ME3: variants seen among roughly 807,000 people sequenced by gnomAD.
ME3 encodes NADP-dependent malic enzyme, mitochondrial.
ME3 carries 48 observed loss-of-function variants against 68.9 expected under a neutral mutation model. That is an observed-to-expected ratio of 0.70 (90% CI 0.55 to 0.89). The LOEUF (loss-of-function observed/expected upper bound fraction) is 0.89, where lower values mean the gene tolerates loss of function less well. ME3 is among the 40% of genes least tolerant of loss of function. The pLI, the probability that ME3 is intolerant of heterozygous loss-of-function variation, is 0.00. For missense variants in ME3, 675 were observed against 797.4 expected, an observed-to-expected ratio of 0.85 and a Z score of 1.85; for synonymous variants, 320 against 318.8, an observed-to-expected ratio of 1.00 and a Z score of -0.04.
rs142033353 is a variant in ME3, at chr11:86,650,955, C to G, written c.183+20807G>C. On this transcript the variant is annotated intron_variant, in intron 2 of 14. Coordinates refer to ENST00000543262, the Ensembl canonical transcript of ME3. ...GCACACCAGGAGATTGTATCCCTCA[C>G]CTGGTTCGGAGGGTCCTACGCCCAC... Among the ~76,000 whole-genome samples, 543 of 152,356 alleles carry G rather than the reference C, an allele frequency of 3.6e-3. 2 individuals are homozygous for G. Among genetic ancestry groups the G allele is most frequent in the African/African-American group, 0.012 (516 of 41,590 alleles).
chr11:86,607,217 C>T (rs1366365891), intron 2 of ME3, among the ~76,000 whole-genome samples: 1 of 152,120 alleles, frequency 6.6e-6, no homozygotes, highest in Non-Finnish European at 1.5e-5. Context: ...AGTGATCTTT[C>T]TAACTTGCAA....
chr11:86,653,507 A>T (rs1437139108), intron 2 of ME3, among the ~76,000 whole-genome samples: 1 of 152,242 alleles, frequency 6.6e-6, no homozygotes, highest in African/African-American at 2.4e-5. Flanking sequence ...TGGGTACATA[A>T]CAAAATGAAG....
chr11:86,469,296 C>T (rs1222676087), intron 7 of ME3, among the ~76,000 whole-genome samples: 1 of 152,122 alleles, frequency 6.6e-6, no homozygotes, highest in Non-Finnish European at 1.5e-5. Flanking sequence ...TCAGGTATTT[C>T]TACAAGTCCA....
chr11:86,455,164 C>A (rs1271940572), intron 8 of ME3, among the ~76,000 whole-genome samples: 5 of 152,240 alleles, frequency 3.3e-5, no homozygotes, highest in Non-Finnish European at 7.3e-5. Flanking sequence ...CCATGGTCTG[C>A]AAAGTACACA....
chr11:86,487,845 C>G (rs1951786164), intron 6 of ME3, among the ~76,000 whole-genome samples: 1 of 152,190 alleles, frequency 6.6e-6, no homozygotes, highest in Admixed American at 6.5e-5. Context: ...TGGCCTCTAG[C>G]CACTAGATGC....
intron 2 of ME3, among the ~76,000 whole-genome samples, chr11:86,567,252 A>AAGGAAGGC: frequency 1.3e-5 from 1 of 76,090 alleles, no homozygotes; most frequent in Non-Finnish European, 3.0e-5. Flanking sequence ...GAAAGGAAGG[A>AAGGAAGGC]AGGAAGGAAG....
intron 5 of ME3, among the ~76,000 whole-genome samples, chr11:86,502,636 G>T (rs1319192054): frequency 6.6e-6 from 1 of 152,202 alleles, no homozygotes; most frequent in Non-Finnish European, 1.5e-5. Flanking sequence ...TTGTCAAAAG[G>T]CTGAGGGCAA....
Position 86,447,145 on chromosome 11 carries a change from C to T in ME3, c.1300G>A (p.Glu434Lys), listed in dbSNP as rs747601146. ...CTCAGGGCAAAGATGATAGGGCGCTCGTGGAAGGAGGCCATGTCCCTCAGA... is the reference window on the plus strand; with the variant it reads ...CTCAGGGCAAAGATGATAGGGCGCTTGTGGAAGGAGGCCATGTCCCTCAGA... The change falls in exon 12 of 15, where the codon GAG becomes AAG. Residue 434 changes from glutamate (E) to lysine (K), a missense_variant. Coordinates refer to ENST00000543262, the Ensembl canonical transcript of ME3. 26 of 1,614,048 alleles carry T rather than the reference C, an allele frequency of 1.6e-5. No individual in the cohort carries two copies. The highest frequency in any genetic ancestry group is 8.3e-5 in the Admixed American group (5 of 60,006).
intron 2 of ME3, among the ~76,000 whole-genome samples, chr11:86,649,611 TAAAGTCTCAGGATAC>T (rs1276867563): frequency 2.6e-5 from 4 of 152,194 alleles, no homozygotes; most frequent in African/African-American, 9.7e-5. Flanking sequence ...GCAACTTCAG[TAAAGTCTCAGGATAC>T]AAAATCAATG....
intron 2 of ME3, among the ~76,000 whole-genome samples, chr11:86,612,920 C>A (rs1365857032): frequency 6.6e-6 from 1 of 152,118 alleles, no homozygotes; most frequent in East Asian, 1.9e-4. Context: ...TTAATTAGAT[C>A]CCATTTGTCA....
intron 4 of ME3, among the ~76,000 whole-genome samples, chr11:86,514,878 G>C (rs552227412): frequency 2.0e-4 from 31 of 152,160 alleles, no homozygotes; most frequent in Non-Finnish European, 3.1e-4. Flanking sequence ...GTGTGGGCTC[G>C]GGAGTCAGAT....
intron 2 of ME3, among the ~76,000 whole-genome samples, chr11:86,570,415 T>C (rs550439076): frequency 6.6e-6 from 1 of 152,194 alleles, no homozygotes; most frequent in South Asian, 2.1e-4. Flanking sequence ...TGAGTTAGGG[T>C]GATGGGGATT....
intron 2 of ME3, among the ~76,000 whole-genome samples, chr11:86,615,833 A>G (rs1393501273): frequency 6.6e-6 from 1 of 152,202 alleles, no homozygotes; most frequent in African/African-American, 2.4e-5. Flanking sequence ...TTTCTTGCAT[A>G]ACAACTTCTT....
rs1049933736 is a variant in ME3, at chr11:86,550,158, G to T, written c.467+6395C>A. Reference sequence around the variant, plus strand: ...CCAGACACGTTTAGTGCACAGCCGGGACTGAGAATTGGTGCTCTAACTAGA... The same window carrying T: ...CCAGACACGTTTAGTGCACAGCCGGTACTGAGAATTGGTGCTCTAACTAGA... On this transcript the variant is annotated intron_variant, in intron 4 of 14. Coordinates refer to ENST00000543262, the Ensembl canonical transcript of ME3. Among the ~76,000 whole-genome samples, 3 of 152,180 alleles carry T rather than the reference G, an allele frequency of 2.0e-5. No homozygotes were observed. The East Asian group carries it at 5.8e-4, about 29-fold the overall frequency.
intron 2 of ME3, among the ~76,000 whole-genome samples, chr11:86,618,344 T>G (rs1943122746): frequency 8.2e-6 from 1 of 121,916 alleles, no homozygotes; most frequent in Non-Finnish European, 1.7e-5. Context: ...GATCATAAAC[T>G]ACCTAACATA....
intron 2 of ME3, among the ~76,000 whole-genome samples, chr11:86,648,464 A>T (rs1389896262): frequency 6.6e-6 from 1 of 152,080 alleles, no homozygotes; most frequent in Non-Finnish European, 1.5e-5. Context: ...AAGACAAGAA[A>T]TAACTAAGAT....
chr11:86,595,359 G>A (rs12285344), intron 2 of ME3, among the ~76,000 whole-genome samples: 24,645 of 140,446 alleles, frequency 0.18, 3,943 homozygotes, highest in African/African-American at 0.23. Flanking sequence ...CACTGGTCCA[G>A]GCACTTTGAC....
At position 86,588,604 on chromosome 11, in the gene ME3, G is replaced by A. The variant is rs150476985; in HGVS notation, c.184-28781C>T. The stretch of plus-strand genomic sequence containing the variant: ...ACAGCAAGCTGGAGGATGAGCCATT[G>A]TTTCAGGACTTAGGCTGTGAAGGAA... On this transcript the variant is annotated intron_variant, in intron 2 of 14. Coordinates refer to ENST00000543262, the Ensembl canonical transcript of ME3. Among the ~76,000 whole-genome samples the A allele has an allele frequency of 1.3e-3, 202 of 152,314 alleles. 1 individual carries two copies. Among genetic ancestry groups the A allele is most frequent in the Admixed American group, 2.9e-3 (45 of 15,308 alleles).
chr11:86,591,167 G>T (rs1451458231), intron 2 of ME3, among the ~76,000 whole-genome samples: 2 of 147,976 alleles, frequency 1.4e-5, no homozygotes, highest in Non-Finnish European at 3.0e-5. Context: ...GTAGGGGTCA[G>T]ATTAGCTGCC....
Sources: allele counts gnomAD v4.1 joint callset (sites outside exome capture counted in the v4.1 genomes callset), GRCh38; gene constraint gnomAD v4.1.1; transcripts MANE v1.5; gene names NCBI Gene and HGNC (gene_info 2026-07-23, HGNC 2026-07-21).